The following ERMN variants were observed in gnomAD, a reference collection of about 807,000 sequenced individuals.
The protein encoded by ERMN is ermin, ERM-like protein.
A neutral mutation model predicts 21.4 loss-of-function variants in ERMN; 17 were observed. The ratio of observed to expected loss-of-function variants is 0.80; its 90% CI spans 0.54 to 1.19. The LOEUF is 1.19. ERMN is among the 50% of genes most tolerant of loss of function. The probability of loss-of-function intolerance (pLI) is 0.00; values close to 1 mark genes in which losing one functional copy is unlikely to be tolerated. For missense variants in ERMN, 348 were observed against 331.6 expected, an observed-to-expected ratio of 1.05 and a Z score of -0.38; for synonymous variants, 115 against 111.9, an observed-to-expected ratio of 1.03 and a Z score of -0.17.
At chr2:157,327,051 AC>A (rs1018740636), upstream of ERMN, among the ~76,000 whole-genome samples, 4 of 150,668 alleles carry the variant, frequency 2.7e-5, no homozygotes, top group Non-Finnish European at 4.4e-5. Flanking sequence ...ATATATATAC[AC>A]ATATATACAC....
In ERMN at chr2:157,325,647, T is replaced by TGC. The variant is rs764536715; in HGVS notation, c.-7_-6dup. 1 of 1,614,190 alleles carries TGC rather than the reference T, an allele frequency of 6.2e-7. No homozygotes were observed. The highest frequency in any genetic ancestry group is 8.5e-7 in the Non-Finnish European group (1 of 1,180,020). On this transcript the variant is annotated 5_prime_UTR_variant, in exon 1 of 3. Transcript: ENST00000410096. ...TGTAGCCGGAACATCTGTCATGATGTGCGGTTGAATCCGATCTGGAGAGAG... is the reference window on the plus strand; with the variant it reads ...TGTAGCCGGAACATCTGTCATGATGTGCGCGGTTGAATCCGATCTGGAGAGAG...
At chr2:157,322,775 A>T (rs1425304498) in intron 2 of ERMN, among the ~76,000 whole-genome samples, 1 of 152,210 alleles carries the variant, frequency 6.6e-6, no homozygotes, top group East Asian at 1.9e-4. Context: ...AATTTGTTAC[A>T]CACAGCTGCT....
In ERMN at chr2:157,319,262, C is replaced by A. The variant is rs944442729; in HGVS notation, c.*2009G>T. 1 of 152,146 alleles carries A rather than the reference C, an allele frequency of 6.6e-6. No homozygotes were observed. The highest frequency in any genetic ancestry group is 1.5e-5 in the Non-Finnish European group (1 of 68,030). 9.4% of individuals were successfully genotyped at this position (152,146 alleles called of 1,614,324 possible). A position where few individuals can be genotyped will look rare whatever the true frequency, so the allele number is the denominator to read the frequency against. ...CATACCCTAAAATAGTTTCTGTTGA[C>A]TAAATCTTTCATAGTTCATTCATTG... is the stretch of plus-strand genomic sequence containing the variant. On this transcript the variant is annotated 3_prime_UTR_variant, in exon 3 of 3. Coordinates refer to ENST00000410096, the MANE Select transcript of ERMN (RefSeq NM_020711.3).
chr2:157,325,055 A>G, intron 1 of ERMN: 1 of 402,130 alleles, frequency 2.5e-6, no homozygotes, highest in Non-Finnish European at 4.8e-6. Flanking sequence ...AACATTTTGA[A>G]TTCTCTTTGT....
upstream of ERMN, chr2:157,327,242 G>C (rs1684089091): frequency 2.1e-6 from 1 of 483,396 alleles, no homozygotes; most frequent in South Asian, 2.8e-5. Flanking sequence ...AGCCCATTCA[G>C]GTCTATATCA....
At position 157,321,806 on chromosome 2, in the gene ERMN, A is replaced by T. The variant is rs768758188; in HGVS notation, c.335-15T>A. On this transcript the variant is annotated splice_polypyrimidine_tract_variant and intron_variant, in intron 2 of 2. Coordinates refer to ENST00000410096, the MANE Select transcript of ERMN (RefSeq NM_020711.3). ...CCACTGATGCCCTGTAGCAAAATCA[A>T]TTGGTAGATGAGATGTGTAGAGATT... The T allele has an allele frequency of 6.3e-7, 1 of 1,589,044 alleles. No individual in the cohort carries two copies. Among genetic ancestry groups the T allele is most frequent in the Non-Finnish European group, 8.5e-7 (1 of 1,169,710 alleles).
upstream of ERMN, among the ~76,000 whole-genome samples, chr2:157,326,470 C>T (rs1156278534): frequency 6.6e-6 from 1 of 152,122 alleles, no homozygotes; most frequent in African/African-American, 2.4e-5. Flanking sequence ...CCTTTAAAAC[C>T]CTAATAAAAT....
intron 2 of ERMN, 29 bp downstream of exon 2, chr2:157,324,641 T>C (rs757567077): frequency 1.9e-6 from 3 of 1,538,876 alleles, no homozygotes; most frequent in Admixed American, 3.4e-5. Flanking sequence ...TCAAACAATT[T>C]CTGTGTACAA....
chr2:157,322,453 C>T (rs1438789549), intron 2 of ERMN, among the ~76,000 whole-genome samples: 1 of 152,152 alleles, frequency 6.6e-6, no homozygotes, highest in Admixed American at 6.5e-5. Flanking sequence ...GTTCTCTGAG[C>T]CTTCAGCCCT....
rs768660449 is a variant in ERMN at position 157,325,672 on chromosome 2, G to C, written c.-30C>G. On this transcript the variant is annotated 5_prime_UTR_variant, in exon 1 of 3. Transcript: ENST00000410096. ...TGCGGTTGAATCCGATCTGGAGAGA[G>C]AGCTTTAGGGAAACTGAGTGAGTAG... 5.6e-6 allele frequency: 9 copies of C among 1,613,426 alleles called. No homozygotes were observed. Among genetic ancestry groups the C allele is most frequent in the East Asian group, 4.5e-5 (2 of 44,868 alleles).
intron 1 of ERMN, among the ~76,000 whole-genome samples, 191 bp from the exon 2 acceptor site, chr2:157,324,953 G>T (rs545667517): frequency 6.6e-6 from 1 of 151,468 alleles, no homozygotes; most frequent in Non-Finnish European, 1.5e-5. Flanking sequence ...TTTATTGATT[G>T]TAATCTCTCC....
rs760084401 is a variant in ERMN at position 157,321,631 on chromosome 2, A to C, written c.495T>G (p.Pro165=). 6.2e-7 allele frequency: 1 copy of C among 1,614,082 alleles called. No homozygotes were observed. Among genetic ancestry groups the C allele is most frequent in the Non-Finnish European group, 8.5e-7 (1 of 1,179,986 alleles). ...AEIEWLGFRK[P]SQADMLHSKH... Reference sequence around the variant, plus strand: ...TAGAATGTAACATGTCAGCTTGGCTAGGTTTTCGAAATCCCAGCCATTCAA... The same window carrying C: ...TAGAATGTAACATGTCAGCTTGGCTCGGTTTTCGAAATCCCAGCCATTCAA... The change falls in exon 3 of 3, where the codon CCT becomes CCG. Residue 165 remains proline, a synonymous_variant. Coordinates refer to ENST00000410096, the MANE Select transcript of ERMN (RefSeq NM_020711.3).
At chr2:157,327,644 C>G (rs1364723186), upstream of ERMN, 3 of 599,574 alleles carry the variant, frequency 5.0e-6, no homozygotes, top group Non-Finnish European at 9.0e-6. Context: ...GGCCTGTGTG[C>G]AGATGTTTCC....
At position 157,319,169 on chromosome 2, in the gene ERMN, G is replaced by T. The variant is rs1574044083; in HGVS notation, c.*2102C>A. ...TAGGGCCATGGACACCAATGCCAAA[G>T]AATAGTTTCAGGGTTTTTTTGCAAA... On this transcript the variant is annotated 3_prime_UTR_variant, in exon 3 of 3. Transcript: ENST00000410096. The T allele has an allele frequency of 1.3e-5, 2 of 152,272 alleles. No homozygotes were observed. The highest frequency in any genetic ancestry group is 3.9e-4 in the East Asian group (2 of 5,182). 9.4% of individuals were successfully genotyped at this position (152,272 alleles called of 1,614,324 possible).
rs759665477 is a variant in ERMN at position 157,325,485 on chromosome 2, A to G, written c.158T>C (p.Leu53Pro). Residue 53 changes from leucine to proline, a missense_variant, in exon 1 of 3, where the codon CTC (leucine) becomes CCC (proline). Leu to Pro is a moderately conservative substitution (Grantham distance 98, BLOSUM62 -3). Coordinates refer to ENST00000410096, the MANE Select transcript of ERMN (RefSeq NM_020711.3). ...TCTTTCCTCCTGACTTCCTTTGGTG[A>G]GTGCACCTTCCAGACTGGGTTCTAC... ...YRVEPSLEGA[L>P]TKGSQEERRK... is the part of the protein sequence containing the mutation. 2.5e-6 allele frequency: 4 copies of G among 1,613,950 alleles called. No individual in the cohort carries two copies. The highest frequency in any genetic ancestry group is 2.7e-5 in the African/African-American group (2 of 74,884).
Position 157,321,603 on chromosome 2 carries a change from GT to G in ERMN, c.522del (p.Lys174AsnfsTer30). On this transcript the variant is annotated frameshift_variant, in exon 3 of 3. Coordinates refer to ENST00000410096, the MANE Select transcript of ERMN (RefSeq NM_020711.3). LOFTEE classifies it high-confidence loss of function. The part of the protein sequence containing the change: ...KPSQADMLHS[K>X]HDEEQKVWDE... Reference sequence around the variant, plus strand: ...TCCCAAACCTTCTGCTCCTCATCATGTTTAGAATGTAACATGTCAGCTTGGC... The same window carrying G: ...TCCCAAACCTTCTGCTCCTCATCATGTTAGAATGTAACATGTCAGCTTGGC... 1 of 1,613,934 alleles carries G rather than the reference GT, an allele frequency of 6.2e-7. No homozygotes were observed.
intron 1 of ERMN, 42 bp from the exon 2 acceptor site, chr2:157,324,804 A>G: frequency 7.1e-7 from 1 of 1,401,680 alleles, no homozygotes. Context: ...CATTTAAAAT[A>G]TTTATTGTTC....
At chr2:157,325,084 T>C in intron 1 of ERMN, 1 of 486,694 alleles carries the variant, frequency 2.1e-6, no homozygotes, top group Non-Finnish European at 3.9e-6. Context: ...TATGGGGCTG[T>C]CCATAATCAT....
In ERMN at chr2:157,319,232, C is replaced by T. The variant is rs1451148055; in HGVS notation, c.*2039G>A. 1.3e-5 allele frequency: 2 copies of T among 152,174 alleles called. No individual in the cohort carries two copies. 9.4% of individuals were successfully genotyped at this position (152,174 alleles called of 1,614,324 possible). A position where few individuals can be genotyped will look rare whatever the true frequency, so the allele number is the denominator to read the frequency against. ...TCCATGAACATGAAGCATTTACCAA[C>T]TAAACATACCCTAAAATAGTTTCTG... is the stretch of plus-strand genomic sequence containing the variant. On this transcript the variant is annotated 3_prime_UTR_variant, in exon 3 of 3. Transcript: ENST00000410096.
Sources: gnomAD v4.1 joint callset for allele counts (sites outside exome capture counted in the v4.1 genomes callset) on GRCh38, gnomAD v4.1.1 for gene constraint, MANE v1.5 for transcripts, NCBI Gene and HGNC (gene_info 2026-07-23, HGNC 2026-07-21) for gene names.